Variants in SCN8A observed in about 807,000 individuals in gnomAD.
SCN8A encodes sodium channel protein type 8 subunit alpha.
In SCN8A, 30 loss-of-function variants were observed where a neutral mutation model predicts 184.1. The observed-to-expected ratio is 0.16, with a 90% CI of 0.12 to 0.22. The LOEUF (loss-of-function observed/expected upper bound fraction) is 0.22. Ranked by LOEUF, SCN8A falls within the 10% of genes least tolerant of loss-of-function variation. SCN8A has a pLI of 1.00. For synonymous variants in SCN8A, 852 were observed against 907.0 expected, an observed-to-expected ratio of 0.94 and a Z score of 1.09; for missense variants, 1,057 against 2,498.9, an observed-to-expected ratio of 0.42 and a Z score of 12.30.
chr12:51,642,109 T>C (rs1940469814), intron 1 of SCN8A, among the ~76,000 whole-genome samples: 1 of 152,224 alleles, frequency 6.6e-6, no homozygotes, highest in Non-Finnish European at 1.5e-5. Flanking sequence ...TGCTCCTTCC[T>C]GGTCTTTTTA....
In SCN8A at chr12:51,786,547, G is replaced by C. The variant is rs1592162425; in HGVS notation, c.3948G>C (p.Val1316=). 6.2e-7 allele frequency: 1 copy of C among 1,614,004 alleles called. No individual in the cohort carries two copies. Among genetic ancestry groups the C allele is most frequent in the African/African-American group, 1.3e-5 (1 of 74,908 alleles). Residue 1316 remains valine (V), a synonymous_variant, in exon 22 of 27, where the codon GTG becomes GTC. Transcript: ENST00000627620. The part of the protein sequence containing the change: ...ALSRFEGMRV[V]VNALVGAIPS... ...AACCTCCCCTTCCAATGCAGGTGGT[G>C]GTGAATGCCTTGGTGGGCGCCATCC...
In SCN8A at chr12:51,609,475, G is replaced by A. The variant is rs139559899; in HGVS notation, c.-55+18116G>A. Among the ~76,000 whole-genome samples, 1,165 of 152,256 alleles carry A rather than the reference G, an allele frequency of 7.7e-3. 16 individuals carry two copies. The highest frequency in any genetic ancestry group is 0.026 in the African/African-American group (1,086 of 41,548). ...AAATTTGGGAGCTCCAGTGTTAGAT[G>A]CATATATGTTTAGGATTGTGATAGT... On this transcript the variant is annotated intron_variant, in intron 1 of 26. Coordinates refer to ENST00000627620, the MANE Select transcript of SCN8A (RefSeq NM_001330260.2).
In SCN8A at chr12:51,811,682, CCATGTCTCCT is replaced by C. The variant is rs1938904110; in HGVS notation, c.*4254_*4263del. 1 of 152,324 alleles carries C rather than the reference CCATGTCTCCT, an allele frequency of 6.6e-6. No homozygotes were observed. The highest frequency in any genetic ancestry group is 6.5e-5 in the Admixed American group (1 of 15,274). The allele number at this position is 152,324 out of a possible 1,614,324, so 9.4% of individuals were successfully genotyped here. A position where few individuals can be genotyped will look rare whatever the true frequency, so the allele number is the denominator to read the frequency against. On this transcript the variant is annotated 3_prime_UTR_variant, in exon 27 of 27. Transcript: ENST00000627620. ...GGGGACATCCCTCTCTAGGCCTAGG[CCATGTCTCCT>C]GGTTCAGGAACACTCTCTCAGGAGG...
At chr12:51,624,018 A>G (rs1480470612) in intron 1 of SCN8A, among the ~76,000 whole-genome samples, 1 of 152,152 alleles carries the variant, frequency 6.6e-6, no homozygotes, top group Non-Finnish European at 1.5e-5. Flanking sequence ...TCATTGTTGG[A>G]CATTTGGGTT....
intron 19 of SCN8A, among the ~76,000 whole-genome samples, chr12:51,773,467 A>G (rs1453777646): frequency 6.6e-6 from 1 of 152,252 alleles, no homozygotes; most frequent in Admixed American, 6.5e-5. Flanking sequence ...TGTGGTGTCA[A>G]GGAACTAAAA....
At chr12:51,791,311 T>C (rs1234571408) in intron 25 of SCN8A, among the ~76,000 whole-genome samples, 1 of 152,174 alleles carries the variant, frequency 6.6e-6, no homozygotes, top group Non-Finnish European at 1.5e-5. Context: ...TCAAGAGTTA[T>C]AGTTCCAGAA....
chr12:51,697,018 G>A (rs1396802621), intron 6 of SCN8A, among the ~76,000 whole-genome samples: 4 of 128,580 alleles, frequency 3.1e-5, no homozygotes, highest in East Asian at 4.6e-4. Flanking sequence ...CAGCCTGGAC[G>A]ACAGAGCGAG....
At chr12:51,598,080 A>G (rs1183828984) in intron 1 of SCN8A, among the ~76,000 whole-genome samples, 1 of 152,200 alleles carries the variant, frequency 6.6e-6, no homozygotes, top group East Asian at 1.9e-4. Context: ...TGAATACTCT[A>G]AAGAGGCATA....
chr12:51,783,637 G>A (rs539721714), intron 21 of SCN8A, among the ~76,000 whole-genome samples: 2 of 152,130 alleles, frequency 1.3e-5, no homozygotes, highest in African/African-American at 4.8e-5. Flanking sequence ...TAAAGATTTC[G>A]CTGTGCTGTT....
chr12:51,663,214 G>A, intron 2 of SCN8A, 121 bp downstream of exon 2: 5 of 1,173,762 alleles, frequency 4.3e-6, no homozygotes, highest in Non-Finnish European at 6.1e-6. Context: ...TTTTGTTTCA[G>A]TTCTGGCTTG....
intron 12 of SCN8A, 103 bp from the exon 13 acceptor site, chr12:51,745,800 A>G (rs1942500434): frequency 2.2e-6 from 2 of 890,616 alleles, no homozygotes; most frequent in Admixed American, 6.5e-5. Context: ...AAAGTTAAAG[A>G]CTGTAATGAA....
At chr12:51,785,253 A>G (rs1294986602) in intron 21 of SCN8A, among the ~76,000 whole-genome samples, 1 of 152,214 alleles carries the variant, frequency 6.6e-6, no homozygotes, top group African/African-American at 2.4e-5. Flanking sequence ...GATTTTCCAG[A>G]TTTCAGATAT....
intron 19 of SCN8A, among the ~76,000 whole-genome samples, chr12:51,771,810 T>C (rs1428585715): frequency 3.9e-5 from 6 of 152,240 alleles, no homozygotes; most frequent in African/African-American, 1.4e-4. Flanking sequence ...GCATGGTCTC[T>C]GCCCTTAAGA....
At chr12:51,679,591 C>T (rs1941290080) in intron 2 of SCN8A, among the ~76,000 whole-genome samples, 1 of 152,154 alleles carries the variant, frequency 6.6e-6, no homozygotes, top group Non-Finnish European at 1.5e-5. Context: ...CTGCCTGCGC[C>T]CTTTCAGAAA....
At chr12:51,762,812 C>A in intron 15 of SCN8A, 136 bp downstream of exon 15, 1 of 793,720 alleles carries the variant, frequency 1.3e-6, no homozygotes. Flanking sequence ...TTTGGCTTAG[C>A]TACTAAAATA....
At chr12:51,608,517 T>A (rs909891661) in intron 1 of SCN8A, among the ~76,000 whole-genome samples, 9 of 152,148 alleles carry the variant, frequency 5.9e-5, no homozygotes, top group African/African-American at 2.2e-4. Flanking sequence ...GTTTTCTAGT[T>A]TATGTGCGTA....
At chr12:51,736,215 G>A (rs576801047) in intron 12 of SCN8A, among the ~76,000 whole-genome samples, 3 of 152,210 alleles carry the variant, frequency 2.0e-5, no homozygotes, top group African/African-American at 7.2e-5. Context: ...AGCTTGGCTA[G>A]TATAGCCTGG....
In SCN8A at chr12:51,706,407, T is replaced by A. The variant is rs751585098; in HGVS notation, c.1342-15T>A. The A allele has an allele frequency of 7.8e-6, 12 of 1,542,308 alleles. No individual in the cohort carries two copies. Among genetic ancestry groups the A allele is most frequent in the Non-Finnish European group, 1.0e-5 (12 of 1,147,948 alleles). On this transcript the variant is annotated splice_polypyrimidine_tract_variant and intron_variant, in intron 10 of 26. Coordinates refer to ENST00000627620, the MANE Select transcript of SCN8A (RefSeq NM_001330260.2). ...TTGCCCTGGTCTGGCTTCCCTGCTG[T>A]GGCTTCTTTCCTAGGCTGCTGCGAT...
At chr12:51,693,407 G>A (rs1182625818) in intron 6 of SCN8A, among the ~76,000 whole-genome samples, 1 of 152,184 alleles carries the variant, frequency 6.6e-6, no homozygotes, top group Admixed American at 6.5e-5. Context: ...ATGTGAATCA[G>A]GTCTCGAGTA....
Sources: allele counts gnomAD v4.1 joint callset (sites outside exome capture counted in the v4.1 genomes callset), GRCh38; gene constraint gnomAD v4.1.1; transcripts MANE v1.5; gene names NCBI Gene and HGNC (gene_info 2026-07-23, HGNC 2026-07-21).